SAMD12: variants seen among roughly 807,000 people sequenced by gnomAD.
The protein encoded by SAMD12 is sterile alpha motif domain-containing protein 12.
In SAMD12, 9 loss-of-function variants were observed where a neutral mutation model predicts 15.0. The observed-to-expected ratio is 0.60, with a 90% confidence interval of 0.36 to 1.05. The LOEUF (loss-of-function observed/expected upper bound fraction) is 1.05, where lower values mean the gene tolerates loss of function less well. Among genes scored for constraint, SAMD12 ranks in the 50% least tolerant of loss-of-function variants. The pLI is 0.01. For synonymous variants in SAMD12, 86 were observed against 90.1 expected (o/e 0.96, Z 0.25); for missense variants, 230 against 234.2 (o/e 0.98, Z 0.12).
intron 1 of SAMD12, among the ~76,000 whole-genome samples, chr8:118,620,400 A>C (rs994664981): frequency 1.8e-3 from 12 of 6,518 alleles, no homozygotes; most frequent in Non-Finnish European, 6.8e-3. Context: ...ATAACGATGC[A>C]AAAAAAAAAA....
rs57327686 is a variant in SAMD12 at position 118,404,326 on chromosome 8, G to A, written c.323-24626C>T. The stretch of plus-strand genomic sequence containing the variant: ...TTGCTTGGTATTCTCTGAGTTTCTT[G>A]GATTTGTGCTTTGATATCTGCAATA... On this transcript the variant is annotated intron_variant, in intron 3 of 3. Coordinates refer to ENST00000314727, the MANE Select transcript of SAMD12 (RefSeq NM_207506.3). Among the ~76,000 whole-genome samples, 33 of 152,196 alleles carry A rather than the reference G, an allele frequency of 2.2e-4. 1 individual carries two copies. The East Asian group carries it at 6.4e-3, about 29-fold the overall frequency.
intron 2 of SAMD12, among the ~76,000 whole-genome samples, chr8:118,567,411 C>T (rs1826881104): frequency 6.6e-6 from 1 of 152,182 alleles, no homozygotes; most frequent in Non-Finnish European, 1.5e-5. Flanking sequence ...ATGTTACTCT[C>T]ACCCAGGCAA....
intron 4 of SAMD12, among the ~76,000 whole-genome samples, chr8:118,296,285 TG>T (rs372380937): frequency 6.6e-6 from 1 of 152,312 alleles, no homozygotes; most frequent in African/African-American, 2.4e-5. Context: ...TACACTTGTT[TG>T]TTCTTGATTT....
chr8:118,264,243 C>T (rs915723136), intron 4 of SAMD12, among the ~76,000 whole-genome samples: 5 of 152,034 alleles, frequency 3.3e-5, no homozygotes, highest in Non-Finnish European at 4.4e-5. Flanking sequence ...ACTCATATAT[C>T]CTCCTCCACC....
At chr8:118,522,177 C>T (rs866327589) in intron 2 of SAMD12, among the ~76,000 whole-genome samples, 4 of 141,874 alleles carry the variant, frequency 2.8e-5, no homozygotes, top group Non-Finnish European at 4.5e-5. Context: ...CACACACACA[C>T]ATACACACAC....
intron 4 of SAMD12, among the ~76,000 whole-genome samples, chr8:118,324,354 A>T (rs1816459401): frequency 6.6e-6 from 1 of 152,224 alleles, no homozygotes; most frequent in African/African-American, 2.4e-5. Flanking sequence ...AATTAAGGTG[A>T]TCAAGATTAT....
chr8:118,462,670 C>T (rs1429640973), intron 2 of SAMD12, among the ~76,000 whole-genome samples: 1 of 152,168 alleles, frequency 6.6e-6, no homozygotes, highest in Non-Finnish European at 1.5e-5. Context: ...CCTGACACCA[C>T]AGCTGAAAGT....
At chr8:118,597,608 C>G (rs1030141993) in intron 1 of SAMD12, among the ~76,000 whole-genome samples, 2 of 152,222 alleles carry the variant, frequency 1.3e-5, no homozygotes, top group Admixed American at 6.5e-5. Context: ...ATCTGGGAAG[C>G]AGCTGGTGCG....
chr8:118,237,798 T>C (rs1812469248), intron 4 of SAMD12, among the ~76,000 whole-genome samples: 1 of 152,106 alleles, frequency 6.6e-6, no homozygotes, highest in Non-Finnish European at 1.5e-5. Flanking sequence ...CAGAAATATA[T>C]TGGTAACTGC....
intron 2 of SAMD12, among the ~76,000 whole-genome samples, chr8:118,510,466 C>T (rs1324813360): frequency 6.6e-6 from 1 of 152,176 alleles, no homozygotes. Flanking sequence ...TTTGTAATGT[C>T]CCATTACTGT....
At chr8:118,270,668 T>A (rs934763651) in intron 4 of SAMD12, among the ~76,000 whole-genome samples, 1 of 152,198 alleles carries the variant, frequency 6.6e-6, no homozygotes, top group Non-Finnish European at 1.5e-5. Context: ...CAGAACATAA[T>A]GTGTGCTTTT....
At chr8:118,457,235 T>TTG (rs1554667080) in intron 2 of SAMD12, among the ~76,000 whole-genome samples, 11 of 151,810 alleles carry the variant, frequency 7.2e-5, no homozygotes, top group Non-Finnish European at 4.4e-5. Flanking sequence ...TTTTTTTTTT[T>TTG]TTGTTTGCTT....
intron 2 of SAMD12, among the ~76,000 whole-genome samples, chr8:118,478,577 GTTGTGGCAAGC>G (rs1200120437): frequency 6.6e-6 from 1 of 152,196 alleles, no homozygotes; most frequent in African/African-American, 2.4e-5. Context: ...CCCTTTCAGG[GTTGTGGCAAGC>G]GAGGCACAAA....
chr8:118,234,192 G>C (rs747997175), intron 4 of SAMD12, among the ~76,000 whole-genome samples: 3 of 152,028 alleles, frequency 2.0e-5, no homozygotes, highest in Non-Finnish European at 2.9e-5. Flanking sequence ...AAGACTACAT[G>C]AAAAAGATTA....
the SAMD12 span, among the ~76,000 whole-genome samples, chr8:118,178,859 C>G: frequency 5.8e-4 from 88 of 152,324 alleles, 1 homozygote; most frequent in Middle Eastern, 0.02. Flanking sequence ...ACACAAAAAG[C>G]TGTTTCTTGC....
intron 2 of SAMD12, among the ~76,000 whole-genome samples, chr8:118,449,188 G>T (rs755783789): frequency 7.3e-5 from 11 of 151,242 alleles, no homozygotes; most frequent in Admixed American, 2.0e-4. Flanking sequence ...TTAGCCTCCC[G>T]AGTAGCTGGG....
intron 2 of SAMD12, among the ~76,000 whole-genome samples, chr8:118,457,220 CTCTT>C (rs1446234054): frequency 1.1e-4 from 12 of 107,546 alleles, no homozygotes; most frequent in African/African-American, 3.4e-4. Context: ...CTCTCTCTCT[CTCTT>C]TTTTTTTTTT....
the SAMD12 span, among the ~76,000 whole-genome samples, chr8:118,158,002 G>A: frequency 6.6e-6 from 1 of 152,154 alleles, no homozygotes; most frequent in Non-Finnish European, 1.5e-5. Flanking sequence ...GAAGTCAGGT[G>A]GATCCCAGTG....
At position 118,613,293 on chromosome 8, in the gene SAMD12, G is replaced by A. The variant is rs192840786; in HGVS notation, c.13+8511C>T. Reference sequence around the variant, plus strand: ...GAAAAGGAATACACTTGAAATGGGGGCTAGAGTTTCAAAATTAATAGTGAG... The same window carrying A: ...GAAAAGGAATACACTTGAAATGGGGACTAGAGTTTCAAAATTAATAGTGAG... On this transcript the variant is annotated intron_variant, in intron 1 of 3. Transcript: ENST00000314727. 3.3e-3 allele frequency among the ~76,000 whole-genome samples: 497 copies of A among 152,210 alleles called. 1 individual carries two copies. The highest frequency in any genetic ancestry group is 3.5e-3 in the Non-Finnish European group (235 of 68,018).
Sources: gnomAD v4.1 joint callset for allele counts (sites outside exome capture counted in the v4.1 genomes callset) on GRCh38, gnomAD v4.1.1 for gene constraint, MANE v1.5 for transcripts, NCBI Gene and HGNC (gene_info 2026-07-23, HGNC 2026-07-21) for gene names.